The following ATG5 variants were observed in gnomAD, a reference collection of about 807,000 sequenced individuals.
ATG5 encodes autophagy related 5.
A neutral mutation model predicts 36.5 loss-of-function variants in ATG5; 14 were observed. That is an observed-to-expected ratio of 0.38 (90% CI 0.25 to 0.60). The LOEUF is 0.60. ATG5 is among the 20% of genes least tolerant of loss of function. The pLI is 0.60. For missense variants in ATG5, 195 were observed against 326.7 expected, an observed-to-expected ratio of 0.60 and a Z score of 3.11; for synonymous variants, 95 against 101.5, an observed-to-expected ratio of 0.94 and a Z score of 0.38.
intron 6 of ATG5, among the ~76,000 whole-genome samples, chr6:106,232,393 T>TA (rs982820694): frequency 2.6e-5 from 4 of 152,108 alleles, no homozygotes; most frequent in African/African-American, 9.7e-5. Flanking sequence ...ACTCCCTTGT[T>TA]AGGGAGAGAC....
intron 5 of ATG5, among the ~76,000 whole-genome samples, chr6:106,260,541 A>G (rs1477561664): frequency 6.6e-6 from 1 of 152,198 alleles, no homozygotes; most frequent in East Asian, 1.9e-4. Context: ...GCTTTATTTT[A>G]GATGAACAAA....
At chr6:106,279,314 A>G (rs947807419) in intron 5 of ATG5, among the ~76,000 whole-genome samples, 1 of 152,232 alleles carries the variant, frequency 6.6e-6, no homozygotes. Flanking sequence ...ATCTTTGTAC[A>G]TACCCAGAAT....
chr6:106,216,178 A>G (rs550826755), intron 6 of ATG5, among the ~76,000 whole-genome samples: 91 of 152,218 alleles, frequency 6.0e-4, no homozygotes, highest in Non-Finnish European at 1.1e-3. Flanking sequence ...ATGCTTTGGA[A>G]AACAGTCTGA....
At chr6:106,224,835 C>T (rs1053017968) in intron 6 of ATG5, among the ~76,000 whole-genome samples, 1 of 152,104 alleles carries the variant, frequency 6.6e-6, no homozygotes, top group African/African-American at 2.4e-5. Flanking sequence ...GAGCTGAGAT[C>T]GCACCATTGC....
At chr6:106,212,784 G>GT (rs1379640119) in intron 6 of ATG5, among the ~76,000 whole-genome samples, 1 of 152,166 alleles carries the variant, frequency 6.6e-6, no homozygotes, top group African/African-American at 2.4e-5. Context: ...ATAAATATTA[G>GT]TGAAGCTTCA....
intron 1 of ATG5, among the ~76,000 whole-genome samples, chr6:106,321,605 G>T (rs931008685): frequency 6.6e-5 from 10 of 152,096 alleles, no homozygotes; most frequent in African/African-American, 1.9e-4. Context: ...TGATCCGCCT[G>T]CCTCGGCCTC....
intron 3 of ATG5, among the ~76,000 whole-genome samples, chr6:106,304,650 A>C (rs371952787): frequency 6.6e-6 from 1 of 152,368 alleles, no homozygotes; most frequent in East Asian, 1.9e-4. Context: ...AAATCAGATC[A>C]GTAATTACTG....
chr6:106,208,532 G>C (rs914153661), intron 6 of ATG5, among the ~76,000 whole-genome samples: 4 of 151,084 alleles, frequency 2.6e-5, no homozygotes, highest in Admixed American at 2.6e-4. Context: ...AGAAGTTTAC[G>C]TTTTAATGTT....
At chr6:106,208,871 T>C (rs985263286) in intron 6 of ATG5, among the ~76,000 whole-genome samples, 1 of 152,134 alleles carries the variant, frequency 6.6e-6, no homozygotes, top group African/African-American at 2.4e-5. Context: ...GCAAAAGACA[T>C]GAACAGACAT....
chr6:106,259,007 T>C (rs676640), intron 5 of ATG5, among the ~76,000 whole-genome samples: 5,540 of 117,676 alleles, frequency 0.047, 320 homozygotes, highest in East Asian at 0.28. Context: ...TGATAATCAA[T>C]TGAAAATATT....
At chr6:106,221,983 C>G (rs1777272755) in intron 6 of ATG5, among the ~76,000 whole-genome samples, 1 of 152,006 alleles carries the variant, frequency 6.6e-6, no homozygotes. Flanking sequence ...TGTCTGCCTT[C>G]CAGGTTCAAG....
chr6:106,282,710 A>G (rs1419394945), intron 4 of ATG5, among the ~76,000 whole-genome samples: 1 of 152,170 alleles, frequency 6.6e-6, no homozygotes, highest in Non-Finnish European at 1.5e-5. Flanking sequence ...TTTGATGACA[A>G]ACACGTATTA....
chr6:106,295,892 T>A (rs1487301079), intron 3 of ATG5, among the ~76,000 whole-genome samples: 2 of 152,126 alleles, frequency 1.3e-5, no homozygotes, highest in East Asian at 3.8e-4. Context: ...AATATCTGGA[T>A]CAGAATACAA....
chr6:106,297,008 T>C (rs1457947266), intron 3 of ATG5, among the ~76,000 whole-genome samples: 1 of 152,242 alleles, frequency 6.6e-6, no homozygotes, highest in East Asian at 1.9e-4. Context: ...CTCTAGACTT[T>C]AATGACAATA....
At chr6:106,255,338 T>G (rs1778759787) in intron 5 of ATG5, among the ~76,000 whole-genome samples, 1 of 152,188 alleles carries the variant, frequency 6.6e-6, no homozygotes, top group South Asian at 2.1e-4. Context: ...AGATGAGAGG[T>G]TCACAATTGC....
intron 7 of ATG5, among the ~76,000 whole-genome samples, chr6:106,197,912 A>C (rs1430553925): frequency 6.6e-6 from 1 of 152,214 alleles, no homozygotes; most frequent in Non-Finnish European, 1.5e-5. Flanking sequence ...AAGGGAAAAA[A>C]ACACAATACA....
Position 106,248,236 on chromosome 6 carries a change from C to G in ATG5, c.487G>C (p.Asp163His). 6.2e-7 allele frequency: 1 copy of G among 1,604,200 alleles called. No homozygotes were observed. Among genetic ancestry groups the G allele is most frequent in the Non-Finnish European group, 8.5e-7 (1 of 1,171,358 alleles). Residue 163 changes from aspartate (D) to histidine (H), a missense_variant, in exon 6 of 8, where the codon GAC becomes CAC. Asp to His is a moderately conservative substitution (Grantham distance 81). Transcript: ENST00000369076. ...TTCCGATTGATGGCCCAAAACTGGT[C>G]AAATCTGTCTGTAATGATATAAATT... Reference protein sequence around the residue: ...LWMGLQNDRFDQFWAINRKLM... With the variant: ...LWMGLQNDRFHQFWAINRKLM...
chr6:106,304,927 A>G (rs1293999052), intron 3 of ATG5, among the ~76,000 whole-genome samples: 2 of 152,122 alleles, frequency 1.3e-5, no homozygotes, highest in South Asian at 2.1e-4. Context: ...CCCTGTCTCT[A>G]CTACAAATAC....
chr6:106,234,114 A>C (rs1777794767), intron 6 of ATG5, among the ~76,000 whole-genome samples: 1 of 152,072 alleles, frequency 6.6e-6, no homozygotes, highest in Admixed American at 6.5e-5. Flanking sequence ...GGTATGTCTG[A>C]GGGGGGTGGA....
Sources: gnomAD v4.1 joint callset for allele counts (sites outside exome capture counted in the v4.1 genomes callset) on GRCh38, gnomAD v4.1.1 for gene constraint, MANE v1.5 for transcripts, NCBI Gene and HGNC (gene_info 2026-07-23, HGNC 2026-07-21) for gene names.